The following DYM variants were observed in gnomAD, a reference collection of about 807,000 sequenced individuals.
DYM encodes dymeclin.
DYM carries 78 observed loss-of-function variants against 93.1 expected under a neutral mutation model. That is an observed-to-expected ratio of 0.84 (90% CI 0.70 to 1.01). DYM has a LOEUF of 1.01. Ranked by LOEUF, DYM falls within the 50% of genes least tolerant of loss-of-function variation. The probability of loss-of-function intolerance (pLI) is 0.00; values close to 1 mark genes in which losing one functional copy is unlikely to be tolerated. For missense variants in DYM, 789 were observed against 845.0 expected, an observed-to-expected ratio of 0.93 and a Z score of 0.82; for synonymous variants, 321 against 319.7, an observed-to-expected ratio of 1.00 and a Z score of -0.04.
intron 2 of DYM, among the ~76,000 whole-genome samples, chr18:49,421,305 G>A (rs1232514441): frequency 6.6e-6 from 1 of 152,160 alleles, no homozygotes; most frequent in African/African-American, 2.4e-5. Flanking sequence ...GAAGCTTCCA[G>A]AGGAACAATC....
At chr18:49,246,851 G>C (rs932062212) in intron 13 of DYM, among the ~76,000 whole-genome samples, 2 of 152,178 alleles carry the variant, frequency 1.3e-5, no homozygotes, top group Non-Finnish European at 2.9e-5. Context: ...ATAAAACCTA[G>C]AGCAGTATCA....
rs545770552 is a variant in DYM, at chr18:49,430,451, T to A, written c.-53-4A>T. 1.9e-6 allele frequency: 3 copies of A among 1,601,334 alleles called. No individual in the cohort carries two copies. Among genetic ancestry groups the A allele is most frequent in the African/African-American group, 1.3e-5 (1 of 74,546 alleles). On this transcript the variant is annotated splice_polypyrimidine_tract_variant and splice_region_variant and intron_variant, in intron 1 of 17. Coordinates refer to ENST00000675505, the MANE Select transcript of DYM (RefSeq NM_001353214.3). ...ACCTGCATTTCCAAAAGACAACCTA[T>A]AAAAAATAAAAATAAAAACTTTAAA...
intron 8 of DYM, among the ~76,000 whole-genome samples, chr18:49,294,656 T>A (rs1479996983): frequency 6.6e-6 from 1 of 152,174 alleles, no homozygotes; most frequent in African/African-American, 2.4e-5. Flanking sequence ...AAATGCTTGA[T>A]AAATTTATCA....
intron 1 of DYM, among the ~76,000 whole-genome samples, chr18:49,433,612 T>C (rs1043284340): frequency 6.6e-6 from 1 of 152,096 alleles, no homozygotes; most frequent in Non-Finnish European, 1.5e-5. Flanking sequence ...GGTGTGGTAT[T>C]ATCCCAACAT....
chr18:49,217,378 C>T lies in DYM; in HGVS notation c.1461-7663G>A, dbSNP rs544737471. Reference sequence around the variant, plus strand: ...TCCCCAATCTAGCAAGGCAGGCCAACGTTCAGATTCAGGAAATACAGAGAA... The same window carrying T: ...TCCCCAATCTAGCAAGGCAGGCCAATGTTCAGATTCAGGAAATACAGAGAA... On this transcript the variant is annotated intron_variant, in intron 13 of 17. Coordinates refer to ENST00000675505, the MANE Select transcript of DYM (RefSeq NM_001353214.3). Among the ~76,000 whole-genome samples, 439 of 152,146 alleles carry T rather than the reference C, an allele frequency of 2.9e-3. 4 individuals carry two copies. The highest frequency in any genetic ancestry group is 9.7e-3 in the African/African-American group (404 of 41,512).
At chr18:49,236,010 A>G (rs890136898) in intron 13 of DYM, among the ~76,000 whole-genome samples, 1 of 152,338 alleles carries the variant, frequency 6.6e-6, no homozygotes, top group South Asian at 2.1e-4. Context: ...AATTTGTATA[A>G]AACACTGATA....
In DYM at chr18:49,452,779, G is replaced by A. The variant is rs192057079; in HGVS notation, c.-54+7619C>T. ...GGGACTGGCAGGCAGCTCTGCCTGC[G>A]GCCCTGGTGCAGGATCCACCAGGTG... On this transcript the variant is annotated intron_variant, in intron 1 of 17. Transcript: ENST00000675505. Among the ~76,000 whole-genome samples, 6 of 135,636 alleles carry A rather than the reference G, an allele frequency of 4.4e-5. 1 individual carries two copies. Among genetic ancestry groups the A allele is most frequent in the Admixed American group, 7.2e-5 (1 of 13,906 alleles). 89.0% of individuals were successfully genotyped at this position (135,636 alleles called of 152,430 possible). A position where few individuals can be genotyped will look rare whatever the true frequency, so the allele number is the denominator to read the frequency against.
intron 8 of DYM, among the ~76,000 whole-genome samples, chr18:49,318,133 T>A (rs992512545): frequency 6.6e-6 from 1 of 152,182 alleles, no homozygotes; most frequent in African/African-American, 2.4e-5. Context: ...GACCACAATG[T>A]TTCTCCTGGA....
At chr18:49,180,903 T>C (rs747487310) in intron 14 of DYM, among the ~76,000 whole-genome samples, 1 of 152,158 alleles carries the variant, frequency 6.6e-6, no homozygotes, top group Admixed American at 6.5e-5. Context: ...TCAGTTCCAA[T>C]TGATTTCTGG....
chr18:49,389,553 G>C (rs2068979876), intron 3 of DYM, among the ~76,000 whole-genome samples: 1 of 152,050 alleles, frequency 6.6e-6, no homozygotes, highest in African/African-American at 2.4e-5. Context: ...CTGGAGTCCA[G>C]TGGCGCCATC....
At chr18:49,240,310 C>T (rs946996406) in intron 13 of DYM, among the ~76,000 whole-genome samples, 1 of 151,928 alleles carries the variant, frequency 6.6e-6, no homozygotes, top group Non-Finnish European at 1.5e-5. Context: ...TTAATGAGAA[C>T]CCCAAAGAAT....
chr18:49,063,155 C>T (rs1401618125), intron 17 of DYM, among the ~76,000 whole-genome samples: 1 of 152,128 alleles, frequency 6.6e-6, no homozygotes, highest in East Asian at 1.9e-4. Context: ...AGTTAAAAAA[C>T]AACTGCTACA....
intron 8 of DYM, among the ~76,000 whole-genome samples, 166 bp from the exon 9 acceptor site, chr18:49,286,782 A>G (rs1033361230): frequency 6.6e-6 from 1 of 152,228 alleles, no homozygotes; most frequent in African/African-American, 2.4e-5. Context: ...CTTGCTATAA[A>G]AACTGGACAA....
Position 49,326,760 on chromosome 18 carries a change from T to C in DYM, c.763+5104A>G, listed in dbSNP as rs183344798. Among the ~76,000 whole-genome samples, 186 of 152,282 alleles carry C rather than the reference T, an allele frequency of 1.2e-3. 1 individual carries two copies. The highest frequency in any genetic ancestry group is 4.4e-3 in the African/African-American group (182 of 41,560). On this transcript the variant is annotated intron_variant, in intron 8 of 17. Transcript: ENST00000675505. ...AACTTAAGTGAAATACAAATAACGCTATACTCAATAAAGGAGACTTTAAAA... is the reference window on the plus strand; with the variant it reads ...AACTTAAGTGAAATACAAATAACGCCATACTCAATAAAGGAGACTTTAAAA...
chr18:49,207,064 T>A (rs2092553853), intron 14 of DYM, among the ~76,000 whole-genome samples: 1 of 152,210 alleles, frequency 6.6e-6, no homozygotes, highest in Non-Finnish European at 1.5e-5. Flanking sequence ...TTCCCTACTT[T>A]GTCTTCCTTC....
chr18:49,080,154 G>GGGGGGGGGGGT (rs1555743000), intron 17 of DYM, among the ~76,000 whole-genome samples: 1 of 38,840 alleles, frequency 2.6e-5, no homozygotes, highest in Admixed American at 2.2e-4. Context: ...GCTGGCCGGG[G>GGGGGGGGGGGT]GGGGGCTGAC....
At chr18:49,104,660 T>C (rs940066032) in intron 16 of DYM, among the ~76,000 whole-genome samples, 4 of 152,192 alleles carry the variant, frequency 2.6e-5, no homozygotes, top group Non-Finnish European at 5.9e-5. Flanking sequence ...ATGCATCTAT[T>C]GAGATAATCA....
chr18:49,073,678 G>T (rs908305949), intron 17 of DYM, among the ~76,000 whole-genome samples: 2 of 152,178 alleles, frequency 1.3e-5, no homozygotes, highest in East Asian at 3.8e-4. Context: ...GGACATGCTG[G>T]AGGTCTACAG....
intron 15 of DYM, among the ~76,000 whole-genome samples, chr18:49,144,024 T>C (rs574835831): frequency 6.6e-6 from 1 of 152,310 alleles, no homozygotes; most frequent in South Asian, 2.1e-4. Flanking sequence ...CCCTGAAAAT[T>C]ACCACATATC....
Sources: gnomAD v4.1 joint callset for allele counts (sites outside exome capture counted in the v4.1 genomes callset) on GRCh38, gnomAD v4.1.1 for gene constraint, MANE v1.5 for transcripts, NCBI Gene and HGNC (gene_info 2026-07-23, HGNC 2026-07-21) for gene names.